CNTN5: variants seen among roughly 807,000 people sequenced by gnomAD.
CNTN5 encodes contactin-5.
In CNTN5, 77 loss-of-function variants were observed where a neutral mutation model predicts 129.1. That is an observed-to-expected ratio of 0.60 (90% CI 0.50 to 0.72). CNTN5 has a LOEUF of 0.72. CNTN5 is among the 30% of genes least tolerant of loss of function. The pLI, the probability that CNTN5 is intolerant of heterozygous loss-of-function variation, is 0.00. For missense variants in CNTN5, 1,478 were observed against 1,328.8 expected (o/e 1.11, Z -1.75); for synonymous variants, 509 against 465.6 (o/e 1.09, Z -1.20).
intron 3 of CNTN5, among the ~76,000 whole-genome samples, chr11:99,779,783 C>T (rs189566122): frequency 6.6e-6 from 1 of 151,914 alleles, no homozygotes; most frequent in Admixed American, 6.6e-5. Flanking sequence ...TTGTGGCCAA[C>T]AACAAATCCC....
chr11:99,818,519 G>A (rs1186037234), intron 3 of CNTN5, among the ~76,000 whole-genome samples: 1 of 152,136 alleles, frequency 6.6e-6, no homozygotes, highest in African/African-American at 2.4e-5. Context: ...GCTTCCCTGA[G>A]TGCTGGGATT....
chr11:99,382,177 A>G (rs1248927835), intron 2 of CNTN5, among the ~76,000 whole-genome samples: 1 of 152,206 alleles, frequency 6.6e-6, no homozygotes, highest in Non-Finnish European at 1.5e-5. Flanking sequence ...AAGCCAGGAA[A>G]GATAATAGCA....
chr11:99,729,375 G>A (rs1005679222), intron 3 of CNTN5, among the ~76,000 whole-genome samples: 4 of 152,210 alleles, frequency 2.6e-5, no homozygotes, highest in African/African-American at 7.2e-5. Flanking sequence ...ACGGGGGTTC[G>A]TTGTACGGAT....
chr11:99,450,527 A>T (rs1323890992), intron 2 of CNTN5, among the ~76,000 whole-genome samples: 3 of 152,212 alleles, frequency 2.0e-5, no homozygotes, highest in Admixed American at 2.0e-4. Flanking sequence ...ATCCTAGTAG[A>T]TTCTATTTCC....
At chr11:100,135,386 A>T (rs1946491744) in intron 13 of CNTN5, among the ~76,000 whole-genome samples, 1 of 152,080 alleles carries the variant, frequency 6.6e-6, no homozygotes, top group South Asian at 2.1e-4. Context: ...CATTTTAACC[A>T]GGATGGTCTC....
intron 4 of CNTN5, among the ~76,000 whole-genome samples, chr11:99,829,817 T>C (rs531134791): frequency 2.6e-4 from 40 of 152,220 alleles, no homozygotes; most frequent in Admixed American, 5.9e-4. Context: ...GTAACATAGG[T>C]TAATTGAAAG....
intron 13 of CNTN5, among the ~76,000 whole-genome samples, chr11:100,185,782 T>A (rs1476257495): frequency 3.9e-5 from 6 of 152,118 alleles, no homozygotes; most frequent in African/African-American, 1.4e-4. Flanking sequence ...ACATGTGCAC[T>A]GAGGAAAGGC....
chr11:99,112,397 A>C (rs1857841091), intron 1 of CNTN5, among the ~76,000 whole-genome samples: 1 of 152,058 alleles, frequency 6.6e-6, no homozygotes, highest in African/African-American at 2.4e-5. Flanking sequence ...ATAAATAGAA[A>C]AGGCAGGACA....
At chr11:99,238,355 A>C (rs1171279423) in intron 1 of CNTN5, among the ~76,000 whole-genome samples, 9 of 152,158 alleles carry the variant, frequency 5.9e-5, no homozygotes, top group African/African-American at 1.4e-4. Context: ...ATTAGAGAGA[A>C]TCGATTGGCA....
intron 1 of CNTN5, among the ~76,000 whole-genome samples, chr11:99,030,798 T>TTTTTTTA (rs1863335709): frequency 1.3e-5 from 2 of 149,204 alleles, no homozygotes; most frequent in East Asian, 2.0e-4. Context: ...TTTTTTTTTT[T>TTTTTTTA]GAGATGGAAT....
chr11:100,115,703 TA>T (rs1305278192), intron 13 of CNTN5, among the ~76,000 whole-genome samples: 1 of 152,080 alleles, frequency 6.6e-6, no homozygotes, highest in African/African-American at 2.4e-5. Context: ...TTAATTATAA[TA>T]TAATTTTTAA....
intron 3 of CNTN5, among the ~76,000 whole-genome samples, chr11:99,658,900 A>AG (rs1565398584): frequency 6.7e-6 from 1 of 149,546 alleles, no homozygotes; most frequent in African/African-American, 2.4e-5. Flanking sequence ...AAAAAAAAAA[A>AG]AAAAAGAAAA....
At chr11:99,463,218 C>T (rs575411021) in intron 2 of CNTN5, among the ~76,000 whole-genome samples, 1 of 150,902 alleles carries the variant, frequency 6.6e-6, no homozygotes, top group Non-Finnish European at 1.5e-5. Context: ...GCGGGTAGAT[C>T]ACGAGGTCAG....
intron 2 of CNTN5, among the ~76,000 whole-genome samples, chr11:99,419,562 T>G (rs982323103): frequency 6.6e-6 from 1 of 152,176 alleles, no homozygotes; most frequent in African/African-American, 2.4e-5. Flanking sequence ...AAACAGAGCC[T>G]GACAGCAATG....
chr11:99,384,446 GA>G (rs1055588486), intron 2 of CNTN5, among the ~76,000 whole-genome samples: 1 of 152,032 alleles, frequency 6.6e-6, no homozygotes. Context: ...GCCAAAATGG[GA>G]AAAAAATGTA....
At chr11:99,958,282 T>G (rs1950855140) in intron 8 of CNTN5, among the ~76,000 whole-genome samples, 1 of 152,140 alleles carries the variant, frequency 6.6e-6, no homozygotes, top group Non-Finnish European at 1.5e-5. Context: ...ATTAAGAAGG[T>G]AGGATTACCA....
chr11:100,082,406 C>T (rs944945748), intron 13 of CNTN5, among the ~76,000 whole-genome samples: 2 of 152,222 alleles, frequency 1.3e-5, no homozygotes, highest in African/African-American at 4.8e-5. Context: ...CTCAGCCTCT[C>T]GAGTAGCTGG....
chr11:100,160,322 G>C (rs1203706962), intron 13 of CNTN5, among the ~76,000 whole-genome samples: 1 of 151,890 alleles, frequency 6.6e-6, no homozygotes, highest in Non-Finnish European at 1.5e-5. Context: ...GTCTCTCATT[G>C]ATGGGCATTT....
At chr11:100,330,173 A>T (rs1334030405) in intron 21 of CNTN5, among the ~76,000 whole-genome samples, 2 of 152,324 alleles carry the variant, frequency 1.3e-5, no homozygotes, top group African/African-American at 2.4e-5. Context: ...CACTTAGAAA[A>T]ATGCAAAATG....
Sources: allele counts gnomAD v4.1 joint callset (sites outside exome capture counted in the v4.1 genomes callset), GRCh38; gene constraint gnomAD v4.1.1; transcripts MANE v1.5; gene names NCBI Gene and HGNC (gene_info 2026-07-23, HGNC 2026-07-21).